AFAP1L2: variants seen among roughly 807,000 people sequenced by gnomAD.
AFAP1L2 encodes the protein actin filament associated protein 1 like 2, also known as actin filament-associated protein 1-like 2.
Under a neutral mutation model 99.3 loss-of-function variants are expected in AFAP1L2, and 46 were observed. The observed-to-expected ratio is 0.46, with a 90% CI of 0.37 to 0.59. AFAP1L2 has a LOEUF of 0.59. Among genes scored for constraint, AFAP1L2 ranks in the 20% least tolerant of loss-of-function variants. AFAP1L2 has a pLI of 0.00. For synonymous variants in AFAP1L2, 397 were observed against 419.1 expected, an observed-to-expected ratio of 0.95 and a Z score of 0.64; for missense variants, 959 against 1,034.9, an observed-to-expected ratio of 0.93 and a Z score of 1.01.
Position 114,300,506 on chromosome 10 carries a change from G to A in AFAP1L2, c.1727C>T (p.Ser576Leu). Residue 576 changes from serine (S) to leucine (L), a missense_variant, in exon 14 of 19, where the codon TCA becomes TTA. By Grantham distance (145) the Ser-to-Leu change is moderately radical. Around this residue, in one of 2 missense-constraint regions of AFAP1L2, gnomAD observed 576 missense variants for 562.1 expected, o/e 1.02. Coordinates refer to ENST00000304129, the MANE Select transcript of AFAP1L2 (RefSeq NM_001001936.3). ...CTCATCTGGGGTGGGACCTGGGCCT[G>A]AGTCTGCCGGGAGGGCCTCAGTTGC... The part of the protein sequence containing the change: ...DNATEALPAD[S>L]GPGPTPDEPC... 1.2e-6 allele frequency: 2 copies of A among 1,614,182 alleles called. No individual in the cohort carries two copies. Among genetic ancestry groups the A allele is most frequent in the Non-Finnish European group, 1.7e-6 (2 of 1,180,032 alleles).
intron 1 of AFAP1L2, among the ~76,000 whole-genome samples, chr10:114,384,329 C>CG (rs988645916): frequency 2.0e-5 from 3 of 151,494 alleles, no homozygotes; most frequent in South Asian, 2.1e-4. Flanking sequence ...TGTCGTCCCC[C>CG]CCCCGCTGCA....
Position 114,368,878 on chromosome 10 carries a change from G to A in AFAP1L2, c.17-28147C>T, listed in dbSNP as rs975048160. ...TTGACATTGGTAATCAAGTCACAAT[G>A]TACATGTATATCAAATTTTCACACT... On this transcript the variant is annotated intron_variant, in intron 1 of 18. Coordinates refer to ENST00000304129, the MANE Select transcript of AFAP1L2 (RefSeq NM_001001936.3). Among the ~76,000 whole-genome samples the A allele has an allele frequency of 1.3e-4, 20 of 151,280 alleles. 1 individual carries two copies. Among genetic ancestry groups the A allele is most frequent in the African/African-American group, 4.9e-4 (20 of 41,132 alleles).
At chr10:114,283,161 T>G in the AFAP1L2 span, among the ~76,000 whole-genome samples, 1 of 152,212 alleles carries the variant, frequency 6.6e-6, no homozygotes, top group Non-Finnish European at 1.5e-5. Flanking sequence ...AGCTTGAAAT[T>G]GCCCTTCAAT....
chr10:114,359,789 A>G (rs2051956048), intron 1 of AFAP1L2, among the ~76,000 whole-genome samples: 1 of 152,176 alleles, frequency 6.6e-6, no homozygotes, highest in Non-Finnish European at 1.5e-5. Flanking sequence ...GGTCAGGGCA[A>G]GAGGCAAAGG....
chr10:114,354,784 G>C (rs1036917094), intron 1 of AFAP1L2, among the ~76,000 whole-genome samples: 1 of 152,210 alleles, frequency 6.6e-6, no homozygotes, highest in African/African-American at 2.4e-5. Context: ...AAGAGACAAA[G>C]CCCTGACCAC....
intron 1 of AFAP1L2, among the ~76,000 whole-genome samples, chr10:114,398,110 C>T (rs756368508): frequency 3.9e-5 from 6 of 152,200 alleles, no homozygotes; most frequent in Non-Finnish European, 8.8e-5. Flanking sequence ...CCCTTCTCCC[C>T]GCTCAATGCA....
intron 1 of AFAP1L2, chr10:114,363,079 G>C (rs1034984244): frequency 4.3e-5 from 42 of 985,318 alleles, no homozygotes; most frequent in Non-Finnish European, 5.1e-5. Flanking sequence ...CCCTCACTTG[G>C]TGACAGTGGG....
chr10:114,304,711 G>A lies in AFAP1L2; in HGVS notation c.1284+8C>T, dbSNP rs777350439. On this transcript the variant is annotated splice_region_variant and intron_variant, in intron 11 of 18. Transcript: ENST00000304129. ...GCTGGCCCTGCTCCCCCTGCAGGCC[G>A]GCGGTACCTCAAGCTTGGCCAGCTC... 3.8e-6 allele frequency: 6 copies of A among 1,594,634 alleles called. No homozygotes were observed. The highest frequency in any genetic ancestry group is 4.3e-6 in the Non-Finnish European group (5 of 1,172,422).
chr10:114,295,584 T>C lies in AFAP1L2; in HGVS notation c.*458A>G. 11 of 987,958 alleles carry C rather than the reference T, an allele frequency of 1.1e-5. No homozygotes were observed. Among genetic ancestry groups the C allele is most frequent in the Non-Finnish European group, 1.3e-5 (11 of 831,708 alleles). The allele number at this position is 987,958 out of a possible 1,614,324, so 61.2% of individuals were successfully genotyped here. A position where few individuals can be genotyped will look rare whatever the true frequency, so the allele number is the denominator to read the frequency against. The stretch of plus-strand genomic sequence containing the variant: ...TGGAGAGAACTGAAGGCAAGGATGG[T>C]TTAATCCCCAACTGCTAAGTATTGG... On this transcript the variant is annotated 3_prime_UTR_variant, in exon 19 of 19. Coordinates refer to ENST00000304129, the MANE Select transcript of AFAP1L2 (RefSeq NM_001001936.3).
chr10:114,349,438 A>T (rs569092115), intron 1 of AFAP1L2, among the ~76,000 whole-genome samples: 1 of 151,104 alleles, frequency 6.6e-6, no homozygotes, highest in East Asian at 1.9e-4. Context: ...AAAAAAGAAG[A>T]CTGAGCCAGG....
intron 1 of AFAP1L2, among the ~76,000 whole-genome samples, chr10:114,366,236 C>T (rs758760713): frequency 8.5e-5 from 13 of 152,256 alleles, no homozygotes; most frequent in East Asian, 3.9e-4. Flanking sequence ...CATATACACG[C>T]GAAATACATG....
chr10:114,305,491 G>T, intron 10 of AFAP1L2, among the ~76,000 whole-genome samples: 4 of 144,572 alleles, frequency 2.8e-5, no homozygotes, highest in East Asian at 2.2e-4. Flanking sequence ...AGGAGGGGAC[G>T]GGGCTGCAGG....
At chr10:114,368,185 C>A (rs775669277) in intron 1 of AFAP1L2, among the ~76,000 whole-genome samples, 1 of 152,038 alleles carries the variant, frequency 6.6e-6, no homozygotes, top group South Asian at 2.1e-4. Context: ...GAGGACATTA[C>A]GCTAAGTAAA....
At chr10:114,333,332 C>T (rs762507111) in intron 2 of AFAP1L2, 37 bp from the exon 3 acceptor site, 2 of 1,570,260 alleles carry the variant, frequency 1.3e-6, no homozygotes, top group Non-Finnish European at 1.8e-6. Flanking sequence ...TGTGTGACTT[C>T]CTGAAGAGAA....
the AFAP1L2 span, chr10:114,289,706 T>A: frequency 1.7e-6 from 1 of 592,726 alleles, no homozygotes; most frequent in Non-Finnish European, 3.0e-6. Flanking sequence ...TTAACTAACA[T>A]AGATAACTCC....
At chr10:114,317,695 A>T (rs905281933) in intron 5 of AFAP1L2, among the ~76,000 whole-genome samples, 4 of 152,006 alleles carry the variant, frequency 2.6e-5, no homozygotes, top group Non-Finnish European at 5.9e-5. Flanking sequence ...CCCATCTCTA[A>T]AAAAAATACA....
intron 1 of AFAP1L2, among the ~76,000 whole-genome samples, chr10:114,394,820 G>A (rs547405116): frequency 6.6e-6 from 1 of 152,196 alleles, no homozygotes; most frequent in African/African-American, 2.4e-5. Context: ...CCAGAGACAA[G>A]CTTCCACCGA....
At chr10:114,375,083 A>T (rs577649464) in intron 1 of AFAP1L2, among the ~76,000 whole-genome samples, 14 of 152,294 alleles carry the variant, frequency 9.2e-5, no homozygotes, top group African/African-American at 2.9e-4. Flanking sequence ...ACCTGTTTTT[A>T]TATGGCCCTC....
Position 114,335,249 on chromosome 10 carries a change from T to A in AFAP1L2, c.146-1954A>T, listed in dbSNP as rs189727113. ...AGAAACTTATCCTACAGATAAACTC[T>A]AGCATTTAAAGAAAATTGTATTTGA... On this transcript the variant is annotated intron_variant, in intron 2 of 18. Coordinates refer to ENST00000304129, the MANE Select transcript of AFAP1L2 (RefSeq NM_001001936.3). Among the ~76,000 whole-genome samples, 442 of 152,292 alleles carry A rather than the reference T, an allele frequency of 2.9e-3. 4 individuals are homozygous for A. The highest frequency in any genetic ancestry group is 0.01 in the African/African-American group (417 of 41,568).
Sources: allele counts gnomAD v4.1 joint callset (sites outside exome capture counted in the v4.1 genomes callset), GRCh38; gene constraint gnomAD v4.1.1; regional missense constraint gnomAD v4.1.1; transcripts MANE v1.5; gene names NCBI Gene and HGNC (gene_info 2026-07-23, HGNC 2026-07-21).